The following SLA2 variants were observed in gnomAD, a reference collection of about 807,000 sequenced individuals.
SLA2 encodes the protein Src like adaptor 2.
Under a neutral mutation model 27.3 loss-of-function variants are expected in SLA2, and 22 were observed. That is an observed-to-expected ratio of 0.81 (90% CI 0.58 to 1.15). The LOEUF is 1.15. Ranked by LOEUF, SLA2 falls within the 50% of genes most tolerant of loss-of-function variation. The pLI is 0.00. For synonymous variants in SLA2, 131 were observed against 137.8 expected (o/e 0.95, Z 0.34); for missense variants, 304 against 322.2 (o/e 0.94, Z 0.43).
chr20:36,616,433 T>C (rs1447049531), intron 5 of SLA2, among the ~76,000 whole-genome samples: 1 of 149,920 alleles, frequency 6.7e-6, no homozygotes, highest in Non-Finnish European at 1.5e-5. Context: ...TGGGTTGAAG[T>C]GATTCCCCCG....
chr20:36,635,805 G>A (rs1279663870), intron 2 of SLA2, among the ~76,000 whole-genome samples: 1 of 152,066 alleles, frequency 6.6e-6, no homozygotes, highest in African/African-American at 2.4e-5. Flanking sequence ...TTGCACTCCC[G>A]GGGGCAGCCA....
chr20:36,615,907 A>G (rs1002363757), intron 5 of SLA2, among the ~76,000 whole-genome samples: 1 of 152,244 alleles, frequency 6.6e-6, no homozygotes, highest in African/African-American at 2.4e-5. Flanking sequence ...AACGGCAAAC[A>G]GCCCGTTTGT....
rs569752420 is a variant in SLA2, at chr20:36,642,813, G to A, written c.-43-1435C>T. Reference sequence around the variant, plus strand: ...TTGGTCAGGCTGGTCTTGAACTCCCGACCTCAGGCGATCCGCCCTCCTCGG... The same window carrying A: ...TTGGTCAGGCTGGTCTTGAACTCCCAACCTCAGGCGATCCGCCCTCCTCGG... On this transcript the variant is annotated intron_variant, in intron 1 of 7. Coordinates refer to ENST00000262866, the MANE Select transcript of SLA2 (RefSeq NM_032214.4). 4.4e-4 allele frequency among the ~76,000 whole-genome samples: 67 copies of A among 152,230 alleles called. No homozygotes were observed. The South Asian group carries it at 0.013, about 30-fold the overall frequency.
chr20:36,636,686 G>A (rs1046019756), intron 2 of SLA2, among the ~76,000 whole-genome samples: 2 of 144,492 alleles, frequency 1.4e-5, no homozygotes, highest in African/African-American at 2.6e-5. Context: ...AGTGGCTCAC[G>A]CCTGTAATCC....
At chr20:36,620,078 G>A (rs150204324) in intron 5 of SLA2, among the ~76,000 whole-genome samples, 2,879 of 137,490 alleles carry the variant, frequency 0.021, 91 homozygotes, top group African/African-American at 0.073. Context: ...GCGACAGAGC[G>A]AGATTCCACC....
intron 5 of SLA2, among the ~76,000 whole-genome samples, chr20:36,624,822 G>T (rs6028416): frequency 0.026 from 3,996 of 152,314 alleles, 184 homozygotes; most frequent in African/African-American, 0.091. Context: ...AGCTGAAGAC[G>T]GAGTGCTGTG....
chr20:36,619,661 C>G (rs1003749358), intron 5 of SLA2, among the ~76,000 whole-genome samples: 3 of 148,234 alleles, frequency 2.0e-5, no homozygotes, highest in African/African-American at 7.5e-5. Context: ...GACAGAGTCT[C>G]GCTCTCTCAC....
intron 5 of SLA2, among the ~76,000 whole-genome samples, chr20:36,630,168 G>A (rs2039379593): frequency 4.6e-5 from 7 of 152,140 alleles, no homozygotes; most frequent in Admixed American, 4.6e-4. Context: ...GCTCCACTCC[G>A]CAACGCTGCT....
At chr20:36,634,887 T>G (rs1247700618) in intron 2 of SLA2, among the ~76,000 whole-genome samples, 1 of 151,898 alleles carries the variant, frequency 6.6e-6, no homozygotes, top group South Asian at 2.1e-4. Flanking sequence ...CAAGATCCTA[T>G]CTCTAAAAAT....
intron 3 of SLA2, 102 bp from the exon 4 acceptor site, chr20:36,633,731 G>GGA (rs2147991922): frequency 1.1e-6 from 1 of 917,878 alleles, no homozygotes; most frequent in East Asian, 2.6e-5. Context: ...GGATCCTGTG[G>GGA]CCACCTGTCC....
intron 5 of SLA2, chr20:36,621,243 C>A: frequency 3.7e-6 from 2 of 544,098 alleles, no homozygotes; most frequent in Non-Finnish European, 3.6e-6. Flanking sequence ...GAAATTTTGG[C>A]GCTGGTAACT....
chr20:36,639,278 A>C (rs1400307701), intron 2 of SLA2, among the ~76,000 whole-genome samples: 1 of 152,206 alleles, frequency 6.6e-6, no homozygotes, highest in Non-Finnish European at 1.5e-5. Flanking sequence ...TTCTGCCTCC[A>C]GACTGTGGTC....
chr20:36,642,335 T>G (rs1169861622), intron 1 of SLA2, among the ~76,000 whole-genome samples: 1 of 149,290 alleles, frequency 6.7e-6, no homozygotes, highest in African/African-American at 2.5e-5. Context: ...GTCCGAGAGA[T>G]AACGCACATG....
At chr20:36,632,941 C>T (rs2039407155) in intron 4 of SLA2, among the ~76,000 whole-genome samples, 1 of 152,172 alleles carries the variant, frequency 6.6e-6, no homozygotes, top group Admixed American at 6.5e-5. Flanking sequence ...CTTTCTCTGC[C>T]TGGAGACCTC....
At chr20:36,641,453 G>A (rs1600834751) in intron 1 of SLA2, 75 bp from the exon 2 acceptor site, 1 of 797,776 alleles carries the variant, frequency 1.3e-6, no homozygotes, top group Admixed American at 2.1e-5. Context: ...TCCCCAGATC[G>A]GCCCTGGCTA....
chr20:36,616,082 A>G (rs957548868), intron 5 of SLA2, among the ~76,000 whole-genome samples: 1 of 152,214 alleles, frequency 6.6e-6, no homozygotes, highest in Non-Finnish European at 1.5e-5. Flanking sequence ...GATAGCCAAC[A>G]TGACATTATA....
chr20:36,638,192 C>G (rs1012283896), intron 2 of SLA2, among the ~76,000 whole-genome samples: 1 of 150,852 alleles, frequency 6.6e-6, no homozygotes, highest in African/African-American at 2.4e-5. Context: ...CTGAAGTTTG[C>G]TTTTTTTTTA....
intron 5 of SLA2, among the ~76,000 whole-genome samples, chr20:36,625,216 ATTTTTTTTT>A (rs71186005): frequency 8.9e-4 from 70 of 78,492 alleles, no homozygotes; most frequent in African/African-American, 3.7e-3. Context: ...ACGTACCCTG[ATTTTTTTTT>A]TTTTTTTTTT....
At chr20:36,637,624 C>CCTTTTTTTTTTTTTTTT (rs2039464748) in intron 2 of SLA2, among the ~76,000 whole-genome samples, 1 of 80,944 alleles carries the variant, frequency 1.2e-5, no homozygotes, top group African/African-American at 4.8e-5. Flanking sequence ...GTGAAGTTTG[C>CCTTTTTTTTTTTTTTTT]TTTTTTTTTT....
Sources: allele counts gnomAD v4.1 joint callset (sites outside exome capture counted in the v4.1 genomes callset), GRCh38; gene constraint gnomAD v4.1.1; transcripts MANE v1.5; gene names NCBI Gene and HGNC (gene_info 2026-07-23, HGNC 2026-07-21).